Variants in OPRM1 observed in about 807,000 individuals in gnomAD.
OPRM1 encodes the protein mu-type opioid receptor.
OPRM1 carries 27 observed loss-of-function variants against 31.8 expected under a neutral mutation model. The ratio of observed to expected loss-of-function variants is 0.85; its 90% confidence interval spans 0.63 to 1.17. The LOEUF is 1.17. Ranked by LOEUF, OPRM1 falls within the 50% of genes most tolerant of loss-of-function variation. The pLI, the probability that OPRM1 is intolerant of heterozygous loss-of-function variation, is 0.00. For synonymous variants in OPRM1, 196 were observed against 189.9 expected, an observed-to-expected ratio of 1.03 and a Z score of -0.26; for missense variants, 536 against 511.1, an observed-to-expected ratio of 1.05 and a Z score of -0.47.
At chr6:154,157,033 T>C (rs1798745284) in intron 3 of OPRM1, 1 of 152,246 alleles carries the variant, frequency 6.6e-6, no homozygotes, top group Non-Finnish European at 1.5e-5. Flanking sequence ...GGTATAGGAA[T>C]TGGCCCTTGG....
intron 3 of OPRM1, among the ~76,000 whole-genome samples, chr6:154,170,644 C>T (rs1275822551): frequency 1.3e-5 from 2 of 152,142 alleles, no homozygotes; most frequent in Admixed American, 6.5e-5. Context: ...TGGCTCACAC[C>T]GTGTGCAGAC....
chr6:154,181,389 A>G (rs893945594), intron 3 of OPRM1, among the ~76,000 whole-genome samples: 1 of 152,190 alleles, frequency 6.6e-6, no homozygotes, highest in Admixed American at 6.5e-5. Context: ...TTCTATGAGA[A>G]GTGTTAAATT....
At position 154,130,173 on chromosome 6, in the gene OPRM1, T is replaced by TC. The variant is rs57596659; in HGVS notation, c.*11452_*11453insC. On this transcript the variant is annotated 3_prime_UTR_variant, in exon 4 of 4. Coordinates refer to ENST00000330432, the MANE Select transcript of OPRM1 (RefSeq NM_000914.5). ...TTCATGGAAATGTTTAAATTTTCTTTTTTTTTTTTTTTTTTGATGGAGTCT... is the reference window on the plus strand; with the variant it reads ...TTCATGGAAATGTTTAAATTTTCTTTCTTTTTTTTTTTTTTTGATGGAGTCT... Among the ~76,000 whole-genome samples, 2,032 of 19,774 alleles carry TC rather than the reference T, an allele frequency of 0.1. 90 individuals carry two copies. Among genetic ancestry groups the TC allele is most frequent in the African/African-American group, 0.3 (1,589 of 5,336 alleles). 13.0% of individuals were successfully genotyped at this position (19,774 alleles called of 152,430 possible).
chr6:154,153,609 C>T (rs1224967149), intron 3 of OPRM1, among the ~76,000 whole-genome samples: 2 of 149,264 alleles, frequency 1.3e-5, no homozygotes, highest in Admixed American at 6.7e-5. Flanking sequence ...CACTTGAACC[C>T]GGGAGGCGGA....
chr6:154,101,167 A>G (rs868349466), intron 3 of OPRM1, among the ~76,000 whole-genome samples: 18 of 152,224 alleles, frequency 1.2e-4, no homozygotes, highest in Non-Finnish European at 2.4e-4. Context: ...TGGATGTGGG[A>G]TGAGATATGA....
In OPRM1 at chr6:154,124,490, T is replaced by C. The variant is rs924620459; in HGVS notation, c.*5769T>C. ...TTTTCCATAGGTGTGGGGTGGGATG[T>C]TAGAGCTCTAGACATTAATTCCTAG... is the stretch of plus-strand genomic sequence containing the variant. On this transcript the variant is annotated 3_prime_UTR_variant, in exon 4 of 4. Coordinates refer to ENST00000330432, the MANE Select transcript of OPRM1 (RefSeq NM_000914.5). 6.6e-6 allele frequency among the ~76,000 whole-genome samples: 1 copy of C among 152,200 alleles called. No homozygotes were observed. Among genetic ancestry groups the C allele is most frequent in the African/African-American group, 2.4e-5 (1 of 41,450 alleles).
chr6:154,046,482 C>G (rs966494033), intron 1 of OPRM1, among the ~76,000 whole-genome samples: 2 of 152,174 alleles, frequency 1.3e-5, no homozygotes, highest in African/African-American at 2.4e-5. Context: ...ACTCCCTTTT[C>G]CATTAATTTC....
chr6:154,131,680 G>A lies in OPRM1; in HGVS notation c.*12959G>A, dbSNP rs549816100. Among the ~76,000 whole-genome samples the A allele has an allele frequency of 2.6e-4, 40 of 152,276 alleles. No homozygotes were observed. The highest frequency in any genetic ancestry group is 4.3e-4 in the Non-Finnish European group (29 of 68,016). On this transcript the variant is annotated 3_prime_UTR_variant, in exon 4 of 4. Transcript: ENST00000330432. ...TCTGTTTTACGGATTTTGTATCCAA[G>A]TAAATGAAAACACAATCACCTTTCA...
chr6:154,136,296 C>G (rs1349226954), downstream of OPRM1, among the ~76,000 whole-genome samples: 1 of 152,190 alleles, frequency 6.6e-6, no homozygotes, highest in Non-Finnish European at 1.5e-5. Context: ...CCTCGCCTCC[C>G]TGACTGCGCC....
chr6:154,039,413 A>C lies in OPRM1; in HGVS notation c.-132A>C. ...CCTGACGCTCCTCTCTGTCTCAGCC[A>C]GGACTGGTTTCTGTAAGAAACAGCA... is the stretch of plus-strand genomic sequence containing the variant. On this transcript the variant is annotated 5_prime_UTR_variant, in exon 1 of 4. Transcript: ENST00000330432. The C allele has an allele frequency of 6.4e-7, 1 of 1,550,460 alleles. No individual in the cohort carries two copies. The highest frequency in any genetic ancestry group is 2.0e-5 in the Admixed American group (1 of 50,934).
At chr6:154,095,896 C>T (rs1321415225) in intron 3 of OPRM1, among the ~76,000 whole-genome samples, 1 of 152,172 alleles carries the variant, frequency 6.6e-6, no homozygotes, top group Non-Finnish European at 1.5e-5. Flanking sequence ...TCCTATTGAA[C>T]TCCACTTTGC....
In OPRM1 at chr6:154,107,989, T is replaced by C. The variant is rs1191708443; in HGVS notation, c.1165-10694T>C. Reference sequence around the variant, plus strand: ...TTTTATTTTATTTTATTTTATTTTATTGCCATTCATTCAACCGTTTGCACA... The same window carrying C: ...TTTTATTTTATTTTATTTTATTTTACTGCCATTCATTCAACCGTTTGCACA... On this transcript the variant is annotated intron_variant, in intron 3 of 3. Coordinates refer to ENST00000330432, the MANE Select transcript of OPRM1 (RefSeq NM_000914.5). The C allele has an allele frequency of 8.2e-6, 5 of 609,758 alleles. No homozygotes were observed. The African/African-American group carries it at 9.5e-5, about 12-fold the overall frequency. The allele number at this position is 609,758 out of a possible 1,614,324, so 37.8% of individuals were successfully genotyped here.
chr6:154,181,499 G>C (rs939894784), intron 3 of OPRM1, among the ~76,000 whole-genome samples: 3 of 152,202 alleles, frequency 2.0e-5, no homozygotes, highest in African/African-American at 7.2e-5. Flanking sequence ...GCTATACTAT[G>C]CTATGAATAT....
chr6:154,243,311 G>A (rs1401993624), intron 3 of OPRM1, among the ~76,000 whole-genome samples: 2 of 152,212 alleles, frequency 1.3e-5, no homozygotes, highest in Non-Finnish European at 2.9e-5. Context: ...TTCTACGGCT[G>A]TTAAACTTGC....
intron 1 of OPRM1, among the ~76,000 whole-genome samples, chr6:154,065,183 C>T (rs996577065): frequency 3.4e-5 from 5 of 147,424 alleles, no homozygotes; most frequent in Non-Finnish European, 6.0e-5. Context: ...CAGAGTCTCA[C>T]TCTGTCACCA....
At chr6:154,134,340 A>G (rs1798002790), downstream of OPRM1, among the ~76,000 whole-genome samples, 1 of 152,206 alleles carries the variant, frequency 6.6e-6, no homozygotes, top group African/African-American at 2.4e-5. Context: ...AAAGCCAACC[A>G]GATACTTCTT....
intron 3 of OPRM1, among the ~76,000 whole-genome samples, chr6:154,096,347 C>A (rs1793382606): frequency 6.6e-6 from 1 of 152,036 alleles, no homozygotes; most frequent in African/African-American, 2.4e-5. Flanking sequence ...GACGTGAGCC[C>A]CTGTGTCTGG....
chr6:154,152,580 G>A (rs1202328145), intron 3 of OPRM1, among the ~76,000 whole-genome samples: 4 of 151,214 alleles, frequency 2.6e-5, no homozygotes, highest in Non-Finnish European at 5.9e-5. Context: ...AAGATGTTAA[G>A]GCCTAAATTA....
chr6:154,076,043 TGTA>T (rs1787829399), intron 1 of OPRM1, among the ~76,000 whole-genome samples: 1 of 152,258 alleles, frequency 6.6e-6, no homozygotes, highest in Admixed American at 6.5e-5. Flanking sequence ...GCTATCTCCA[TGTA>T]GTAGGATTTT....
Sources: allele counts gnomAD v4.1 joint callset (sites outside exome capture counted in the v4.1 genomes callset), GRCh38; gene constraint gnomAD v4.1.1; transcripts MANE v1.5; gene names NCBI Gene and HGNC (gene_info 2026-07-23, HGNC 2026-07-21).